ACYP2: variants seen among roughly 807,000 people sequenced by gnomAD.
The protein encoded by ACYP2 is acylphosphatase 2.
ACYP2 carries 12 observed loss-of-function variants against 11.2 expected under a neutral mutation model. That is an observed-to-expected ratio of 1.08 (90% confidence interval 0.69 to 1.74). The LOEUF is 1.74. Among genes scored for constraint, ACYP2 ranks in the 40% most tolerant of loss-of-function variants. The pLI is 0.00. For missense variants in ACYP2, 134 were observed against 101.9 expected (o/e 1.31, Z -1.35); for synonymous variants, 43 against 32.2 (o/e 1.33, Z -1.13).
At chr2:54,105,563 C>A (rs1679111716) in intron 4 of ACYP2, among the ~76,000 whole-genome samples, 1 of 152,032 alleles carries the variant, frequency 6.6e-6, no homozygotes, top group South Asian at 2.1e-4. Flanking sequence ...ACCTCCCTAG[C>A]TCAAGTGATT....
Position 54,092,107 on chromosome 2 carries a change from G to A in ACYP2, c.277+34747G>A, listed in dbSNP as rs182234687. Among the ~76,000 whole-genome samples, 20 of 152,228 alleles carry A rather than the reference G, an allele frequency of 1.3e-4. No homozygotes were observed. In the East Asian group the frequency reaches 3.9e-3, roughly 29 times the overall value. On this transcript the variant is annotated intron_variant, in intron 4 of 6. Transcript: ENST00000607452. ...GACCCAAAGATGAACCAGGTTTCCA[G>A]CAGAGGTACTGGATGGTTGAAGAAG...
chr2:54,224,709 G>C (rs922892845), intron 6 of ACYP2, among the ~76,000 whole-genome samples: 2 of 99,478 alleles, frequency 2.0e-5, no homozygotes, highest in African/African-American at 9.1e-5. Flanking sequence ...GGTTTCACCG[G>C]GTACCAGCCC....
At chr2:54,107,509 T>C (rs1679228027) in intron 4 of ACYP2, among the ~76,000 whole-genome samples, 1 of 152,234 alleles carries the variant, frequency 6.6e-6, no homozygotes, top group Non-Finnish European at 1.5e-5. Context: ...TCTATTCCTG[T>C]TGTGAAGATT....
chr2:53,988,736 TTTTTG>T (rs1191488544), intron 2 of ACYP2, among the ~76,000 whole-genome samples: 2 of 149,816 alleles, frequency 1.3e-5, no homozygotes, highest in African/African-American at 2.5e-5. Context: ...CATAATTCAA[TTTTTG>T]TTTTGTTTTG....
intron 2 of ACYP2, among the ~76,000 whole-genome samples, chr2:53,987,554 A>C (rs367611507): frequency 1.3e-5 from 2 of 152,282 alleles, no homozygotes; most frequent in South Asian, 2.1e-4. Flanking sequence ...GTAAAGAAAA[A>C]ACTGTCAAAC....
At chr2:54,196,499 T>C (rs1224364264) in intron 6 of ACYP2, among the ~76,000 whole-genome samples, 2 of 152,226 alleles carry the variant, frequency 1.3e-5, no homozygotes, top group Admixed American at 1.3e-4. Flanking sequence ...CTTCTTCTGA[T>C]GTGATTATTT....
chr2:54,188,156 G>C (rs1684089854), intron 6 of ACYP2, among the ~76,000 whole-genome samples: 1 of 152,146 alleles, frequency 6.6e-6, no homozygotes. Flanking sequence ...GACACACCCA[G>C]GTGTCATCCT....
At chr2:54,020,468 G>A (rs913328887) in intron 2 of ACYP2, among the ~76,000 whole-genome samples, 26 of 152,188 alleles carry the variant, frequency 1.7e-4, no homozygotes, top group African/African-American at 5.1e-4. Context: ...ACATAGCTCA[G>A]TAATTGCTGT....
intron 6 of ACYP2, among the ~76,000 whole-genome samples, chr2:54,154,313 C>T (rs1194045209): frequency 6.6e-6 from 1 of 152,142 alleles, no homozygotes; most frequent in African/African-American, 2.4e-5. Context: ...CAAGGACATC[C>T]AGTACTACAT....
intron 6 of ACYP2, among the ~76,000 whole-genome samples, chr2:54,252,195 C>T (rs1156923370): frequency 6.6e-6 from 1 of 152,222 alleles, no homozygotes; most frequent in Admixed American, 6.5e-5. Flanking sequence ...TGGCTTCTTA[C>T]ATCCAACAAC....
At chr2:54,133,970 A>G (rs538033300) in intron 4 of ACYP2, among the ~76,000 whole-genome samples, 3 of 152,238 alleles carry the variant, frequency 2.0e-5, no homozygotes, top group Non-Finnish European at 4.4e-5. Context: ...ATAGGATACC[A>G]TCATAGTTGG....
At position 54,255,197 on chromosome 2, in the gene ACYP2, C is replaced by T. The variant is rs536640374; in HGVS notation, c.405-49491C>T. ...AGAGTGGAAAAAGACACCACTTGGCCGAAGGATCTGACCTCATACACCTTT... is the reference window on the plus strand; with the variant it reads ...AGAGTGGAAAAAGACACCACTTGGCTGAAGGATCTGACCTCATACACCTTT... On this transcript the variant is annotated intron_variant, in intron 6 of 6. Transcript: ENST00000607452. 271 of 1,614,132 alleles carry T rather than the reference C, an allele frequency of 1.7e-4. 1 individual carries two copies. The East Asian group carries it at 5.7e-3, about 34-fold the overall frequency.
chr2:54,075,112 A>G lies in ACYP2; in HGVS notation c.277+17752A>G, dbSNP rs545354745. On this transcript the variant is annotated intron_variant, in intron 4 of 6. Coordinates refer to ENST00000607452, the MANE Select transcript of ACYP2 (RefSeq NM_001320586.2). ...ATTCACCTAAAAAGCAGTTCTAAAT[A>G]TAGTAGCTATTCACAATAAAAGTTC... 1.4e-4 allele frequency among the ~76,000 whole-genome samples: 21 copies of G among 152,360 alleles called. No individual in the cohort carries two copies. In the East Asian group the frequency reaches 2.9e-3, roughly 21 times the overall value.
intron 6 of ACYP2, among the ~76,000 whole-genome samples, chr2:54,165,373 T>A (rs1035729451): frequency 3.9e-5 from 6 of 152,192 alleles, no homozygotes; most frequent in Admixed American, 2.0e-4. Flanking sequence ...AGCTGGCCAT[T>A]CATTGTTAGT....
At chr2:54,063,526 G>T (rs1676577415) in intron 4 of ACYP2, among the ~76,000 whole-genome samples, 1 of 152,208 alleles carries the variant, frequency 6.6e-6, no homozygotes, top group African/African-American at 2.4e-5. Context: ...ATCAGCAGGA[G>T]ACTGGGTGGT....
intron 6 of ACYP2, among the ~76,000 whole-genome samples, chr2:54,158,740 G>A (rs1239060672): frequency 2.0e-5 from 3 of 152,072 alleles, no homozygotes; most frequent in Non-Finnish European, 4.4e-5. Flanking sequence ...GTAAACTAAG[G>A]CCTCGTGGCT....
At chr2:54,225,361 T>C (rs1685970149) in intron 6 of ACYP2, among the ~76,000 whole-genome samples, 1 of 152,202 alleles carries the variant, frequency 6.6e-6, no homozygotes, top group African/African-American at 2.4e-5. Flanking sequence ...TAATACACCA[T>C]ATTTATATTT....
chr2:54,204,140 A>G (rs1424687057), intron 6 of ACYP2, among the ~76,000 whole-genome samples: 1 of 152,048 alleles, frequency 6.6e-6, no homozygotes, highest in Non-Finnish European at 1.5e-5. Flanking sequence ...GACTACAGGC[A>G]TGTGCCACCA....
At chr2:54,184,939 C>T (rs934148861) in intron 6 of ACYP2, among the ~76,000 whole-genome samples, 2 of 151,934 alleles carry the variant, frequency 1.3e-5, no homozygotes, top group East Asian at 1.9e-4. Flanking sequence ...CTCTGCCTCC[C>T]GGGTTCAAGC....
Sources: allele counts gnomAD v4.1 joint callset (sites outside exome capture counted in the v4.1 genomes callset), GRCh38; gene constraint gnomAD v4.1.1; transcripts MANE v1.5; gene names NCBI Gene and HGNC (gene_info 2026-07-23, HGNC 2026-07-21).